The following ZNF626 variants were observed in gnomAD, a reference collection of about 807,000 sequenced individuals.
The protein encoded by ZNF626 is zinc finger protein 626.
A neutral mutation model predicts 11.7 loss-of-function variants in ZNF626; 4 were observed. That is an observed-to-expected ratio of 0.34 (90% CI 0.17 to 0.78). The LOEUF (loss-of-function observed/expected upper bound fraction) is 0.78, where lower values mean the gene tolerates loss of function less well. ZNF626 is among the 30% of genes least tolerant of loss of function. The pLI is 0.57. For missense variants in ZNF626, 588 were observed against 587.1 expected, an observed-to-expected ratio of 1.00 and a Z score of -0.01; for synonymous variants, 179 against 198.6, an observed-to-expected ratio of 0.90 and a Z score of 0.83.
intron 1 of ZNF626, among the ~76,000 whole-genome samples, chr19:20,648,914 G>A (rs1555772243): frequency 6.6e-6 from 1 of 152,110 alleles, no homozygotes; most frequent in African/African-American, 2.4e-5. Flanking sequence ...ATAAGGAGAA[G>A]GCTCTGAAAT....
chr19:20,659,284 G>C (rs1970238408), intron 1 of ZNF626, among the ~76,000 whole-genome samples: 1 of 151,872 alleles, frequency 6.6e-6, no homozygotes, highest in Non-Finnish European at 1.5e-5. Flanking sequence ...CGGCCACCCA[G>C]GCTGGAGTGC....
chr19:20,624,903 G>C lies in ZNF626; in HGVS notation c.974C>G (p.Ser325Cys). The change falls in exon 4 of 4, where the codon TCC becomes TGC. Residue 325 changes from serine (S) to cysteine (C), a missense_variant. By Grantham distance (112) the Ser-to-Cys change is moderately radical. Coordinates refer to ENST00000601440, the MANE Select transcript of ZNF626 (RefSeq NM_001076675.3). Reference protein sequence around the residue: ...CEECDKAFKYSYTLTTHKRIH... With the variant: ...CEECDKAFKYCYTLTTHKRIH... ...TCTTTTATGTGTAGTAAGGGTATAG[G>C]AGTACTTAAAGGCTTTGTCACATTC... 1 of 1,613,594 alleles carries C rather than the reference G, an allele frequency of 6.2e-7. No individual in the cohort carries two copies. Among genetic ancestry groups the C allele is most frequent in the Non-Finnish European group, 8.5e-7 (1 of 1,179,930 alleles).
chr19:20,642,854 A>T (rs1393495003), intron 3 of ZNF626, among the ~76,000 whole-genome samples: 2 of 152,032 alleles, frequency 1.3e-5, no homozygotes, highest in African/African-American at 2.4e-5. Flanking sequence ...TCTACTAAAA[A>T]TACAAAAATT....
At chr19:20,657,123 A>AT (rs1970213474) in intron 1 of ZNF626, among the ~76,000 whole-genome samples, 1 of 152,186 alleles carries the variant, frequency 6.6e-6, no homozygotes, top group Non-Finnish European at 1.5e-5. Context: ...TAATCCCAGC[A>AT]TTTTGGGAGG....
intron 1 of ZNF626, among the ~76,000 whole-genome samples, chr19:20,657,092 A>G (rs1970213098): frequency 6.6e-6 from 1 of 152,212 alleles, no homozygotes; most frequent in African/African-American, 2.4e-5. Context: ...TGGTATGGTC[A>G]GATGCGGTGG....
chr19:20,651,254 C>T (rs1175220582), intron 1 of ZNF626, among the ~76,000 whole-genome samples: 1 of 150,696 alleles, frequency 6.6e-6, no homozygotes, highest in Non-Finnish European at 1.5e-5. Context: ...CAAGTACAGA[C>T]ATCAGAAGTC....
Position 20,645,508 on chromosome 19 carries a change from G to A in ZNF626, c.226+176C>T, listed in dbSNP as rs544900528. 5 of 1,573,282 alleles carry A rather than the reference G, an allele frequency of 3.2e-6. No homozygotes were observed. In the African/African-American group the frequency reaches 5.5e-5, roughly 17 times the overall value. On this transcript the variant is annotated intron_variant, in intron 3 of 3. Coordinates refer to ENST00000601440, the MANE Select transcript of ZNF626 (RefSeq NM_001076675.3). ...AGCATAAGACAGAAGATGCCCCTTT[G>A]TAAGCAAAATTAAAAAAGAAAAAAC... is the stretch of plus-strand genomic sequence containing the variant.
At chr19:20,632,060 C>G (rs1277398191) in intron 3 of ZNF626, among the ~76,000 whole-genome samples, 13 of 152,110 alleles carry the variant, frequency 8.5e-5, no homozygotes, top group Non-Finnish European at 5.9e-5. Flanking sequence ...CTTAGTTTGG[C>G]TGGATATGAA....
intron 1 of ZNF626, among the ~76,000 whole-genome samples, chr19:20,658,366 G>C (rs1379004014): frequency 1.3e-5 from 2 of 152,108 alleles, no homozygotes; most frequent in African/African-American, 4.8e-5. Flanking sequence ...AGAAACGCTA[G>C]GATCAAAAAT....
At chr19:20,641,912 T>A (rs4809084) in intron 3 of ZNF626, among the ~76,000 whole-genome samples, 66,892 of 150,148 alleles carry the variant, frequency 0.45, 16,115 homozygotes, top group African/African-American at 0.63. Context: ...TACGTGTTTT[T>A]AAAACAATGT....
chr19:20,626,082 GAAAT>G (rs1447247774), intron 3 of ZNF626, among the ~76,000 whole-genome samples: 1 of 144,476 alleles, frequency 6.9e-6, no homozygotes. Context: ...CAAAGATGAT[GAAAT>G]TCAATCTGTA....
At chr19:20,629,546 T>C (rs1353812185) in intron 3 of ZNF626, among the ~76,000 whole-genome samples, 6 of 152,206 alleles carry the variant, frequency 3.9e-5, no homozygotes, top group African/African-American at 1.4e-4. Context: ...TTGATGCAAT[T>C]GTGAATGGGA....
chr19:20,657,757 G>A (rs1970220554), intron 1 of ZNF626, among the ~76,000 whole-genome samples: 1 of 151,208 alleles, frequency 6.6e-6, no homozygotes, highest in Non-Finnish European at 1.5e-5. Context: ...GTGAGCCGAG[G>A]TGGCACAATT....
chr19:20,624,188 G>GT lies in ZNF626; in HGVS notation c.*101dup, dbSNP rs782072814. On this transcript the variant is annotated 3_prime_UTR_variant, in exon 4 of 4. Transcript: ENST00000601440. Reference sequence around the variant, plus strand: ...TTGCCACATTCTTCACATCTGTAGGGTTTTTTTCCAGTATGAATTTTCTTA... The same window carrying GT: ...TTGCCACATTCTTCACATCTGTAGGGTTTTTTTTCCAGTATGAATTTTCTTA... 3 of 1,580,718 alleles carry GT rather than the reference G, an allele frequency of 1.9e-6. No individual in the cohort carries two copies. Among genetic ancestry groups the GT allele is most frequent in the South Asian group, 2.2e-5 (2 of 90,308 alleles).
Position 20,620,595 on chromosome 19 carries a change from C to T in ZNF626, c.*3695G>A, listed in dbSNP as rs1201055619. The T allele has an allele frequency of 6.6e-6, 1 of 152,104 alleles. No homozygotes were observed. Among genetic ancestry groups the T allele is most frequent in the Non-Finnish European group, 1.5e-5 (1 of 68,038 alleles). 9.4% of individuals were successfully genotyped at this position (152,104 alleles called of 1,614,324 possible). A position where few individuals can be genotyped will look rare whatever the true frequency, so the allele number is the denominator to read the frequency against. Reference sequence around the variant, plus strand: ...TTGAGGAGTCTCATCACTCTGTCACCCAGGCTGGAGTGCAGCAGCACAATC... The same window carrying T: ...TTGAGGAGTCTCATCACTCTGTCACTCAGGCTGGAGTGCAGCAGCACAATC... On this transcript the variant is annotated 3_prime_UTR_variant, in exon 4 of 4. Transcript: ENST00000601440.
At position 20,620,258 on chromosome 19, in the gene ZNF626, ACAAAG is replaced by A. The variant is rs1969742287; in HGVS notation, c.*4027_*4031del. On this transcript the variant is annotated 3_prime_UTR_variant, in exon 4 of 4. Transcript: ENST00000601440. The stretch of plus-strand genomic sequence containing the variant: ...AAAATTTTATATTAATAAATTCCAT[ACAAAG>A]CAGAAAGTATACATTTGCTTTCAGC... 1 of 152,178 alleles carries A rather than the reference ACAAAG, an allele frequency of 6.6e-6. No homozygotes were observed. Among genetic ancestry groups the A allele is most frequent in the Admixed American group, 6.5e-5 (1 of 15,286 alleles). The allele number at this position is 152,178 out of a possible 1,614,324, so 9.4% of individuals were successfully genotyped here.
At chr19:20,627,778 T>A (rs1445053869) in intron 3 of ZNF626, among the ~76,000 whole-genome samples, 1 of 152,178 alleles carries the variant, frequency 6.6e-6, no homozygotes, top group Non-Finnish European at 1.5e-5. Context: ...AATATATTTT[T>A]AAATTTTATT....
At chr19:20,628,715 T>C (rs1969868610) in intron 3 of ZNF626, among the ~76,000 whole-genome samples, 1 of 152,210 alleles carries the variant, frequency 6.6e-6, no homozygotes, top group Admixed American at 6.5e-5. Flanking sequence ...GCAAAAATTT[T>C]CTCCCATTCT....
chr19:20,633,367 G>C (rs1323522210), intron 3 of ZNF626, among the ~76,000 whole-genome samples: 1 of 141,630 alleles, frequency 7.1e-6, no homozygotes, highest in Non-Finnish European at 1.5e-5. Context: ...TTGTTTGTCT[G>C]TGCCCTGCCC....
Sources: gnomAD v4.1 joint callset for allele counts (sites outside exome capture counted in the v4.1 genomes callset) on GRCh38, gnomAD v4.1.1 for gene constraint, MANE v1.5 for transcripts, NCBI Gene and HGNC (gene_info 2026-07-23, HGNC 2026-07-21) for gene names.